ADAMTS12: variants seen among roughly 807,000 people sequenced by gnomAD.
ADAMTS12 encodes A disintegrin and metalloproteinase with thrombospondin motifs 12.
Under a neutral mutation model 167.8 loss-of-function variants are expected in ADAMTS12, and 118 were observed. That is an observed-to-expected ratio of 0.70 (90% CI 0.61 to 0.82). The LOEUF (loss-of-function observed/expected upper bound fraction) is 0.82, where lower values mean the gene tolerates loss of function less well. ADAMTS12 is among the 40% of genes least tolerant of loss of function. ADAMTS12 has a pLI of 0.00. For missense variants in ADAMTS12, 1,916 were observed against 1,998.8 expected (o/e 0.96, Z 0.79); for synonymous variants, 704 against 716.9 (o/e 0.98, Z 0.29).
At chr5:33,636,241 T>A (rs536822560) in intron 12 of ADAMTS12, among the ~76,000 whole-genome samples, 2 of 152,300 alleles carry the variant, frequency 1.3e-5, no homozygotes, top group African/African-American at 4.8e-5. Context: ...AGCTATGCTA[T>A]CTTAGCTCTG....
At chr5:33,841,659 T>A (rs1748749610) in intron 2 of ADAMTS12, among the ~76,000 whole-genome samples, 1 of 152,186 alleles carries the variant, frequency 6.6e-6, no homozygotes, top group Admixed American at 6.5e-5. Context: ...ACTTGCAACC[T>A]CTGGCATAAA....
At chr5:33,704,825 G>T (rs977538297) in intron 3 of ADAMTS12, among the ~76,000 whole-genome samples, 12 of 152,108 alleles carry the variant, frequency 7.9e-5, no homozygotes, top group African/African-American at 2.9e-4. Context: ...CTGTGCAAAA[G>T]ATTTTTAGTT....
At chr5:33,620,429 C>A (rs1338060745) in intron 14 of ADAMTS12, among the ~76,000 whole-genome samples, 1 of 152,198 alleles carries the variant, frequency 6.6e-6, no homozygotes, top group Non-Finnish European at 1.5e-5. Context: ...GACAAATATC[C>A]TCACATGGAA....
At chr5:33,571,111 C>A (rs915757755) in intron 19 of ADAMTS12, among the ~76,000 whole-genome samples, 2 of 152,234 alleles carry the variant, frequency 1.3e-5, no homozygotes, top group African/African-American at 4.8e-5. Context: ...CCTGAGTGAC[C>A]TACAAAGAGA....
At chr5:33,664,096 T>G (rs949425989) in intron 5 of ADAMTS12, among the ~76,000 whole-genome samples, 2 of 152,116 alleles carry the variant, frequency 1.3e-5, no homozygotes, top group African/African-American at 4.8e-5. Context: ...TATGAATGCA[T>G]AGCTTTACCC....
intron 2 of ADAMTS12, among the ~76,000 whole-genome samples, chr5:33,753,692 G>C (rs1161353724): frequency 1.3e-5 from 2 of 152,118 alleles, no homozygotes; most frequent in East Asian, 3.8e-4. Context: ...AACAGATGGG[G>C]CTCCACTTGA....
rs112662965 is a variant in ADAMTS12, at chr5:33,832,787, A to G, written c.489+48332T>C. 3.2e-3 allele frequency among the ~76,000 whole-genome samples: 483 copies of G among 152,288 alleles called. 5 individuals are homozygous for G. The highest frequency in any genetic ancestry group is 0.011 in the African/African-American group (466 of 41,542). On this transcript the variant is annotated intron_variant, in intron 2 of 23. Transcript: ENST00000504830. ...TAACCCATACTTTGCTTCCATTTAT[A>G]TCAGTATAAATATAAGGTCCATTCC...
intron 16 of ADAMTS12, among the ~76,000 whole-genome samples, chr5:33,599,279 TC>T: frequency 6.6e-6 from 1 of 152,224 alleles, no homozygotes; most frequent in Non-Finnish European, 1.5e-5. Context: ...GAAAGAACAC[TC>T]AATAAATGTG....
chr5:33,630,874 T>C lies in ADAMTS12; in HGVS notation c.1928A>G (p.Gln643Arg). ...CELYCRPIDG[Q>R]FSEKMLDAVI... ...AGCATCCAGCATTTTCTCAGAAAAC[T>C]GGCCATCTATGGGTCGGCAGTAGAG... Residue 643 changes from glutamine (Q) to arginine (R), a missense_variant, in exon 13 of 24, where the codon CAG becomes CGG. By Grantham distance (43) the Gln-to-Arg change is conservative. Coordinates refer to ENST00000504830, the MANE Select transcript of ADAMTS12 (RefSeq NM_030955.4). 6.2e-7 allele frequency: 1 copy of C among 1,613,682 alleles called. No homozygotes were observed. Among genetic ancestry groups the C allele is most frequent in the Non-Finnish European group, 8.5e-7 (1 of 1,179,698 alleles).
At chr5:33,575,016 G>A (rs973752692) in intron 19 of ADAMTS12, among the ~76,000 whole-genome samples, 1 of 152,126 alleles carries the variant, frequency 6.6e-6, no homozygotes, top group Non-Finnish European at 1.5e-5. Context: ...TGATTTTGAT[G>A]CTTCAAAGGA....
chr5:33,869,898 C>T (rs373992267), intron 2 of ADAMTS12, among the ~76,000 whole-genome samples: 1 of 152,272 alleles, frequency 6.6e-6, no homozygotes, highest in Admixed American at 6.5e-5. Flanking sequence ...CATGTTTCAT[C>T]CCTATCTACA....
At chr5:33,729,294 T>G (rs910247575) in intron 3 of ADAMTS12, among the ~76,000 whole-genome samples, 4 of 152,224 alleles carry the variant, frequency 2.6e-5, no homozygotes, top group Admixed American at 2.6e-4. Flanking sequence ...ATAGAGTGAA[T>G]GTGGAAGTCA....
chr5:33,549,472 T>C (rs1232835870), intron 20 of ADAMTS12, 89 bp from the exon 21 acceptor site: 1 of 1,483,188 alleles, frequency 6.7e-7, no homozygotes, highest in African/African-American at 1.4e-5. Flanking sequence ...CGCCAGGCAT[T>C]CAGTCATAAA....
chr5:33,819,875 A>C (rs932280306), intron 2 of ADAMTS12, among the ~76,000 whole-genome samples: 1 of 152,148 alleles, frequency 6.6e-6, no homozygotes, highest in African/African-American at 2.4e-5. Context: ...CACAGTACCC[A>C]TGGGGAGCTA....
chr5:33,594,986 A>G (rs1281171336), intron 17 of ADAMTS12, among the ~76,000 whole-genome samples: 1 of 152,094 alleles, frequency 6.6e-6, no homozygotes, highest in East Asian at 1.9e-4. Flanking sequence ...TAGAACTGGG[A>G]TGAATGCTTG....
intron 3 of ADAMTS12, among the ~76,000 whole-genome samples, chr5:33,688,232 C>T (rs568863189): frequency 1.3e-5 from 2 of 152,052 alleles, no homozygotes; most frequent in East Asian, 3.9e-4. Flanking sequence ...TTTTTCCATT[C>T]GATGACTTTT....
chr5:33,796,864 G>A (rs895889461), intron 2 of ADAMTS12, among the ~76,000 whole-genome samples: 2 of 152,176 alleles, frequency 1.3e-5, no homozygotes, highest in South Asian at 4.1e-4. Flanking sequence ...ATAAAATTAT[G>A]TGCTTTCAAA....
In ADAMTS12 at chr5:33,648,770, A is replaced by C. The variant is rs1203063797; in HGVS notation, c.1479+52T>G. The C allele has an allele frequency of 3.7e-6, 6 of 1,604,562 alleles. No individual in the cohort carries two copies. The East Asian group carries it at 1.1e-4, about 30-fold the overall frequency. ...CAAATATTGTCCTGGCCCTTCCTTCAGCATGCTGGAGATCTGAAGCCCTGC... is the reference window on the plus strand; with the variant it reads ...CAAATATTGTCCTGGCCCTTCCTTCCGCATGCTGGAGATCTGAAGCCCTGC... On this transcript the variant is annotated intron_variant, in intron 9 of 23. Transcript: ENST00000504830.
chr5:33,644,289 C>T (rs1302422569), intron 9 of ADAMTS12, among the ~76,000 whole-genome samples: 1 of 152,200 alleles, frequency 6.6e-6, no homozygotes, highest in Non-Finnish European at 1.5e-5. Context: ...GTTTCAACCT[C>T]ACTTTCATAT....
Sources: allele counts gnomAD v4.1 joint callset (sites outside exome capture counted in the v4.1 genomes callset), GRCh38; gene constraint gnomAD v4.1.1; transcripts MANE v1.5; gene names NCBI Gene and HGNC (gene_info 2026-07-23, HGNC 2026-07-21).